RPS6KC1: variants seen among roughly 807,000 people sequenced by gnomAD.
RPS6KC1 encodes ribosomal protein S6 kinase C1.
Under a neutral mutation model 103.8 loss-of-function variants are expected in RPS6KC1, and 54 were observed. That is an observed-to-expected ratio of 0.52 (90% confidence interval 0.42 to 0.65). The LOEUF (loss-of-function observed/expected upper bound fraction) is 0.65, where lower values mean the gene tolerates loss of function less well. Among genes scored for constraint, RPS6KC1 ranks in the 30% least tolerant of loss-of-function variants. RPS6KC1 has a pLI of 0.00. For missense variants in RPS6KC1, 1,151 were observed against 1,253.8 expected (o/e 0.92, Z 1.24); for synonymous variants, 439 against 438.7 (o/e 1.00, Z -0.01).
At chr1:213,325,405 A>G in the RPS6KC1 span, among the ~76,000 whole-genome samples, 27 of 152,312 alleles carry the variant, frequency 1.8e-4, no homozygotes, top group Admixed American at 1.5e-3. Context: ...AGAAACAAAT[A>G]CCTTTCCCTT....
chr1:213,229,781 TAAG>T (rs1440789520), intron 8 of RPS6KC1, among the ~76,000 whole-genome samples: 1 of 152,140 alleles, frequency 6.6e-6, no homozygotes, highest in Non-Finnish European at 1.5e-5. Flanking sequence ...CTCAGTGAGA[TAAG>T]AAGAGTGCCA....
At chr1:213,782,652 G>A in the RPS6KC1 span, among the ~76,000 whole-genome samples, 4 of 152,020 alleles carry the variant, frequency 2.6e-5, no homozygotes, top group Non-Finnish European at 5.9e-5. Flanking sequence ...GAAGAAGAGA[G>A]GGAGGAGCAG....
At chr1:213,671,277 A>C in the RPS6KC1 span, among the ~76,000 whole-genome samples, 22 of 152,330 alleles carry the variant, frequency 1.4e-4, no homozygotes, top group East Asian at 1.9e-4. Context: ...AGGCACAAAG[A>C]GACAAATACC....
intron 2 of RPS6KC1, among the ~76,000 whole-genome samples, chr1:213,071,964 CT>C (rs2078924118): frequency 6.6e-6 from 1 of 151,604 alleles, no homozygotes; most frequent in Admixed American, 6.6e-5. Flanking sequence ...TGTTGTGTAT[CT>C]TTAGGAATCC....
At chr1:213,392,149 A>G in the RPS6KC1 span, among the ~76,000 whole-genome samples, 1 of 152,182 alleles carries the variant, frequency 6.6e-6, no homozygotes, top group Non-Finnish European at 1.5e-5. Flanking sequence ...CCCATGATGT[A>G]GTTGGGAATC....
At chr1:213,072,567 T>C (rs1471411754) in intron 2 of RPS6KC1, among the ~76,000 whole-genome samples, 1 of 151,616 alleles carries the variant, frequency 6.6e-6, no homozygotes, top group East Asian at 1.9e-4. Context: ...AAAAAATAGA[T>C]TTAATACTAT....
chr1:213,520,969 T>A, the RPS6KC1 span, among the ~76,000 whole-genome samples: 1 of 152,208 alleles, frequency 6.6e-6, no homozygotes, highest in African/African-American at 2.4e-5. Flanking sequence ...ATTGGCCATT[T>A]GATGTGTATA....
At chr1:213,370,864 C>T in the RPS6KC1 span, among the ~76,000 whole-genome samples, 1 of 152,154 alleles carries the variant, frequency 6.6e-6, no homozygotes, top group Non-Finnish European at 1.5e-5. Context: ...CATTGAGTAC[C>T]AGAATGGGGC....
chr1:213,587,648 C>A, the RPS6KC1 span, among the ~76,000 whole-genome samples: 1 of 152,238 alleles, frequency 6.6e-6, no homozygotes, highest in Non-Finnish European at 1.5e-5. Context: ...CCAGAGTAAA[C>A]TTCCTAATTT....
chr1:213,541,468 TAAAAC>T, the RPS6KC1 span, among the ~76,000 whole-genome samples: 1 of 151,808 alleles, frequency 6.6e-6, no homozygotes, highest in East Asian at 1.9e-4. Context: ...TTCAATTTGT[TAAAAC>T]AAACGCAAAC....
the RPS6KC1 span, among the ~76,000 whole-genome samples, chr1:213,293,254 T>C: frequency 6.6e-6 from 1 of 152,250 alleles, no homozygotes; most frequent in Non-Finnish European, 1.5e-5. Context: ...TTTGTACTCA[T>C]TAAAATGCAG....
At chr1:213,091,258 C>G (rs905785679) in intron 3 of RPS6KC1, among the ~76,000 whole-genome samples, 7 of 151,968 alleles carry the variant, frequency 4.6e-5, no homozygotes, top group Admixed American at 2.6e-4. Context: ...GACGGAGTTT[C>G]ACCATGTTAG....
At chr1:213,735,404 C>T in the RPS6KC1 span, among the ~76,000 whole-genome samples, 2 of 152,156 alleles carry the variant, frequency 1.3e-5, no homozygotes, top group African/African-American at 4.8e-5. Context: ...CTGTGGCTTC[C>T]ACAGGTGGGC....
chr1:213,440,274 A>G, the RPS6KC1 span, among the ~76,000 whole-genome samples: 1 of 152,200 alleles, frequency 6.6e-6, no homozygotes, highest in Admixed American at 6.5e-5. Context: ...CCTATATGTC[A>G]GGCTCAGGGC....
At chr1:213,604,235 A>T in the RPS6KC1 span, among the ~76,000 whole-genome samples, 2 of 152,234 alleles carry the variant, frequency 1.3e-5, no homozygotes, top group African/African-American at 4.8e-5. Context: ...ACCAAACAGG[A>T]ATTTCATTTT....
intron 12 of RPS6KC1, among the ~76,000 whole-genome samples, chr1:213,252,319 G>C (rs1047691759): frequency 3.9e-5 from 6 of 152,200 alleles, no homozygotes; most frequent in Non-Finnish European, 8.8e-5. Flanking sequence ...ATTGCAAAAA[G>C]AAAGATGTTC....
the RPS6KC1 span, among the ~76,000 whole-genome samples, chr1:213,286,385 C>T: frequency 1.3e-5 from 2 of 152,184 alleles, no homozygotes; most frequent in Non-Finnish European, 2.9e-5. Context: ...TAAGATAACA[C>T]AGAAACTATC....
intron 1 of RPS6KC1, among the ~76,000 whole-genome samples, chr1:213,066,634 G>T (rs2078354948): frequency 6.6e-6 from 1 of 152,186 alleles, no homozygotes; most frequent in African/African-American, 2.4e-5. Flanking sequence ...TGCTAAGGAA[G>T]CCGGCTTTAA....
chr1:213,852,018 C>CT, the RPS6KC1 span, among the ~76,000 whole-genome samples: 1 of 152,194 alleles, frequency 6.6e-6, no homozygotes, highest in African/African-American at 2.4e-5. Context: ...CAAGCTTTTT[C>CT]TGACCTCTGG....
Sources: gnomAD v4.1 joint callset for allele counts (sites outside exome capture counted in the v4.1 genomes callset) on GRCh38, gnomAD v4.1.1 for gene constraint, MANE v1.5 for transcripts, NCBI Gene and HGNC (gene_info 2026-07-23, HGNC 2026-07-21) for gene names.